ZNF395: variants seen among roughly 807,000 people sequenced by gnomAD.
ZNF395 encodes zinc finger protein 395.
Under a neutral mutation model 57.7 loss-of-function variants are expected in ZNF395, and 20 were observed. The observed-to-expected ratio is 0.35, with a 90% CI of 0.24 to 0.50. ZNF395 has a LOEUF of 0.50. Among genes scored for constraint, ZNF395 ranks in the 20% least tolerant of loss-of-function variants. The probability of loss-of-function intolerance (pLI) is 0.97; values close to 1 mark genes in which losing one functional copy is unlikely to be tolerated. For synonymous variants in ZNF395, 295 were observed against 275.9 expected (o/e 1.07, Z -0.69); for missense variants, 606 against 671.2 (o/e 0.90, Z 1.07).
Position 28,361,043 on chromosome 8 carries a change from G to A in ZNF395, c.82C>T (p.Pro28Ser). The change falls in exon 2 of 10, where the codon CCC becomes TCC. Residue 28 changes from proline to serine, a missense_variant. This residue lies in a region of ZNF395 where 309 missense variants were observed against 374.7 expected (regional missense o/e 0.82). Coordinates refer to ENST00000344423, the MANE Select transcript of ZNF395 (RefSeq NM_018660.3). ...RVLGPSASEG[P>S]SAAPPSEPLL... ...GGCTCCGAGGGTGGGGCAGCCGAGG[G>A]CCCCTCCGAGGCACTGGGTCCCAAC... The A allele has an allele frequency of 1.2e-6, 2 of 1,609,950 alleles. No homozygotes were observed. The highest frequency in any genetic ancestry group is 1.7e-6 in the Non-Finnish European group (2 of 1,178,828).
At position 28,348,503 on chromosome 8, in the gene ZNF395, T is replaced by G; in HGVS notation, c.*216A>C. 2 of 515,306 alleles carry G rather than the reference T, an allele frequency of 3.9e-6. No individual in the cohort carries two copies. The highest frequency in any genetic ancestry group is 3.5e-6 in the Non-Finnish European group (1 of 285,176). 31.9% of individuals were successfully genotyped at this position (515,306 alleles called of 1,614,324 possible). On this transcript the variant is annotated 3_prime_UTR_variant, in exon 10 of 10. Transcript: ENST00000344423. The stretch of plus-strand genomic sequence containing the variant: ...TTGGTCAGTTTTGGCTCTCTCCTAT[T>G]TTAGGGGGAAAAATATTTTTGTTTC...
At chr8:28,363,703 A>C (rs1309052534) in intron 1 of ZNF395, among the ~76,000 whole-genome samples, 1 of 152,216 alleles carries the variant, frequency 6.6e-6, no homozygotes, top group Non-Finnish European at 1.5e-5. Context: ...TCTACCACTG[A>C]AAATGAAGAA....
Position 28,351,620 on chromosome 8 carries a change from G to C in ZNF395, c.1108C>G (p.Pro370Ala). The C allele has an allele frequency of 6.2e-7, 1 of 1,613,694 alleles. No homozygotes were observed. Among genetic ancestry groups the C allele is most frequent in the Non-Finnish European group, 8.5e-7 (1 of 1,180,028 alleles). Residue 370 changes from proline (P) to alanine (A), a missense_variant, in exon 7 of 10, where the codon CCT becomes GCT. By Grantham distance (27) the Pro-to-Ala change is conservative (BLOSUM62 -1). Coordinates refer to ENST00000344423, the MANE Select transcript of ZNF395 (RefSeq NM_018660.3). Reference protein sequence around the residue: ...TGLPLSALPPPLHKAQSSGPE... With the variant: ...TGLPLSALPPALHKAQSSGPE... ...CCGGAGGACTGGGCTTTGTGCAGAG[G>C]TGGTGGAAGAGCAGACAGAGGCAGG...
chr8:28,359,341 G>A lies in ZNF395; in HGVS notation c.473+251C>T, dbSNP rs751358196. On this transcript the variant is annotated intron_variant, in intron 3 of 9. Transcript: ENST00000344423. This position sits in a 1 kb window ranked among gnomAD's most constrained non-coding sequence, Gnocchi z 4.7. ...CGCGTGAACACAGGAGGCAGAGGTTGCAGTGAGCCGAGATCATGCCACTGA... is the reference window on the plus strand; with the variant it reads ...CGCGTGAACACAGGAGGCAGAGGTTACAGTGAGCCGAGATCATGCCACTGA... Among the ~76,000 whole-genome samples, 8 of 152,238 alleles carry A rather than the reference G, an allele frequency of 5.3e-5. No individual in the cohort carries two copies. The highest frequency in any genetic ancestry group is 1.2e-4 in the Non-Finnish European group (8 of 68,048).
At position 28,371,959 on chromosome 8, in the gene ZNF395, G is replaced by GA. The variant is rs1563341640; in HGVS notation, c.-58-10778dup. On this transcript the variant is annotated intron_variant, in intron 1 of 9. Coordinates refer to ENST00000344423, the MANE Select transcript of ZNF395 (RefSeq NM_018660.3). ...AGCTACTGGGGAGGCTGAGGTATGA[G>GA]AATTGCTTGTACCTAGGAGGTTGCA... 3.9e-5 allele frequency among the ~76,000 whole-genome samples: 6 copies of GA among 152,168 alleles called. 1 individual carries two copies. The South Asian group carries it at 1.2e-3, about 32-fold the overall frequency.
At chr8:28,372,484 T>C (rs1348719339) in intron 1 of ZNF395, among the ~76,000 whole-genome samples, 1 of 152,054 alleles carries the variant, frequency 6.6e-6, no homozygotes, top group Non-Finnish European at 1.5e-5. Context: ...GTGTAATAGA[T>C]GGTAAGAAAA....
intron 1 of ZNF395, among the ~76,000 whole-genome samples, chr8:28,366,158 G>T (rs1290833947): frequency 2.0e-5 from 3 of 152,164 alleles, no homozygotes. Context: ...AAAAGCGTGG[G>T]TGCTTGCTAC....
At chr8:28,355,687 T>C (rs1316736175) in intron 4 of ZNF395, among the ~76,000 whole-genome samples, 1 of 152,216 alleles carries the variant, frequency 6.6e-6, no homozygotes, top group Non-Finnish European at 1.5e-5. Flanking sequence ...TCCTTTCCTC[T>C]TCCCTATTTG....
At position 28,361,110 on chromosome 8, in the gene ZNF395, C is replaced by A; in HGVS notation, c.15G>T (p.Leu5=). The A allele has an allele frequency of 6.2e-7, 1 of 1,612,360 alleles. No individual in the cohort carries two copies. Among genetic ancestry groups the A allele is most frequent in the Non-Finnish European group, 8.5e-7 (1 of 1,180,028 alleles). Residue 5 remains leucine (L), a synonymous_variant, in exon 2 of 10, where the codon CTG becomes CTT. Coordinates refer to ENST00000344423, the MANE Select transcript of ZNF395 (RefSeq NM_018660.3). MASV[L]SRRLGKRSLL... is the part of the protein sequence containing the mutation. Reference sequence around the variant, plus strand: ...GGGACCGCTTTCCAAGGCGTCGGGACAGGACACTCGCCATGCTGCTGCCTC... The same window carrying A: ...GGGACCGCTTTCCAAGGCGTCGGGAAAGGACACTCGCCATGCTGCTGCCTC...
chr8:28,349,150 G>T lies in ZNF395; in HGVS notation c.1405C>A (p.Pro469Thr). ...AMKSHLIVTS[P>T]PRAQSGARKA... The stretch of plus-strand genomic sequence containing the variant: ...CTGGCACCACTCTGGGCCCGGGGTG[G>T]AGAAGTGACGATCAGATGAGATTTC... The change falls in exon 9 of 10, where the codon CCA becomes ACA. Residue 469 changes from proline (P) to threonine (T), a missense_variant. Transcript: ENST00000344423. 1 of 1,565,272 alleles carries T rather than the reference G, an allele frequency of 6.4e-7. No individual in the cohort carries two copies. The highest frequency in any genetic ancestry group is 8.6e-7 in the Non-Finnish European group (1 of 1,157,756).
intron 1 of ZNF395, among the ~76,000 whole-genome samples, chr8:28,370,014 A>C: frequency 6.6e-6 from 1 of 152,228 alleles, no homozygotes; most frequent in Non-Finnish European, 1.5e-5. Context: ...TGTGTTGTAT[A>C]ATGAGATGAA....
At chr8:28,382,926 G>A (rs1351914697) in intron 1 of ZNF395, among the ~76,000 whole-genome samples, 2 of 152,120 alleles carry the variant, frequency 1.3e-5, no homozygotes, top group African/African-American at 2.4e-5. Flanking sequence ...AAGGGAGGTA[G>A]GTACTTTATG....
chr8:28,375,047 G>A (rs191976295), intron 1 of ZNF395, among the ~76,000 whole-genome samples: 52 of 152,226 alleles, frequency 3.4e-4, no homozygotes, highest in African/African-American at 4.8e-4. Context: ...AAACAGACAC[G>A]CACCCCCTGC....
chr8:28,382,025 A>G (rs561171245), intron 1 of ZNF395, among the ~76,000 whole-genome samples: 1 of 152,336 alleles, frequency 6.6e-6, no homozygotes, highest in South Asian at 2.1e-4. Flanking sequence ...GTGGCCACCC[A>G]GAGCCCATGA....
rs547945591 is a variant in ZNF395, at chr8:28,351,708, GGCAGCAGCAGCA to G, written c.1008_1019del (p.Ala338_Ala341del). 2 of 1,608,948 alleles carry G rather than the reference GGCAGCAGCAGCA, an allele frequency of 1.2e-6. No homozygotes were observed. Among genetic ancestry groups the G allele is most frequent in the East Asian group, 2.2e-5 (1 of 44,852 alleles). The stretch of plus-strand genomic sequence containing the variant: ...GAGTCCCAGGGACTGGGGTGCCTGC[GGCAGCAGCAGCA>G]GCAGCAGCAGCAGATTCCTCCTTCA... On this transcript the variant is annotated inframe_deletion, in exon 7 of 10. Transcript: ENST00000344423.
chr8:28,375,716 AT>A (rs1314214663), intron 1 of ZNF395, among the ~76,000 whole-genome samples: 2 of 152,344 alleles, frequency 1.3e-5, no homozygotes, highest in East Asian at 3.9e-4. Flanking sequence ...CTGTTGTGCT[AT>A]GCAAGGAGCA....
At position 28,350,044 on chromosome 8, in the gene ZNF395, C is replaced by T. The variant is rs779133988; in HGVS notation, c.1326+20G>A. On this transcript the variant is annotated intron_variant, in intron 8 of 9. Transcript: ENST00000344423. ...GCCCTCGGCCATACGAGGCCCCAGC[C>T]GTGCTGCCCGCACACTCACCGGAGA... The T allele has an allele frequency of 4.5e-6, 7 of 1,566,330 alleles. No homozygotes were observed. The highest frequency in any genetic ancestry group is 2.7e-5 in the African/African-American group (2 of 73,162).
rs1251457092 is a variant in ZNF395 at position 28,347,319 on chromosome 8, G to A, written c.*1400C>T. ...CTTGTACCCGAGGCAGCTGGGCAGT[G>A]GGCAGTCACATTCCAGTAGGCCCTG... On this transcript the variant is annotated 3_prime_UTR_variant, in exon 10 of 10. Transcript: ENST00000344423. 1 of 152,252 alleles carries A rather than the reference G, an allele frequency of 6.6e-6. No homozygotes were observed. The highest frequency in any genetic ancestry group is 2.4e-5 in the African/African-American group (1 of 41,420). 9.4% of individuals were successfully genotyped at this position (152,252 alleles called of 1,614,324 possible).
intron 7 of ZNF395, 24 bp downstream of exon 7, chr8:28,351,471 C>G: frequency 1.3e-6 from 2 of 1,560,360 alleles, no homozygotes; most frequent in Non-Finnish European, 1.7e-6. Context: ...TGAGCCTGAG[C>G]CTCCAGCGAG....
Sources: allele counts gnomAD v4.1 joint callset (sites outside exome capture counted in the v4.1 genomes callset), GRCh38; gene constraint gnomAD v4.1.1; regional missense constraint gnomAD v4.1.1; non-coding constraint Gnocchi (gnomAD v3.1); transcripts MANE v1.5; gene names NCBI Gene and HGNC (gene_info 2026-07-23, HGNC 2026-07-21).